The following CTPS2 variants were observed in gnomAD, a reference collection of about 807,000 sequenced individuals.
CTPS2 encodes CTP synthase II.
In CTPS2, 19 loss-of-function variants were observed where a neutral mutation model predicts 46.8. The observed-to-expected ratio is 0.41, with a 90% CI of 0.28 to 0.60. The LOEUF (loss-of-function observed/expected upper bound fraction) is 0.60. Ranked by LOEUF, CTPS2 falls within the 20% of genes least tolerant of loss-of-function variation. The pLI, the probability that CTPS2 is intolerant of heterozygous loss-of-function variation, is 0.35. For missense variants in CTPS2, 286 were observed against 447.6 expected (o/e 0.64, Z 3.26); for synonymous variants, 151 against 165.2 (o/e 0.91, Z 0.66).
At chrX:16,630,411 C>T (rs1419897375) in intron 14 of CTPS2, among the ~76,000 whole-genome samples, 1 of 109,362 alleles carries the variant, frequency 9.1e-6, no homozygotes, top group Non-Finnish European at 1.9e-5. Flanking sequence ...TGTGCCACCA[C>T]GCCTGGCTAA....
chrX:16,606,362 G>A (rs775908537), intron 17 of CTPS2, among the ~76,000 whole-genome samples: 4 of 111,919 alleles, frequency 3.6e-5, no homozygotes. Flanking sequence ...TCATGGAGCT[G>A]GGCAGAGAGG....
intron 13 of CTPS2, chrX:16,654,409 C>G: frequency 8.5e-7 from 1 of 1,173,659 alleles, no homozygotes; most frequent in East Asian, 3.0e-5. Flanking sequence ...AAACAGGGTC[C>G]AAACACCCTA....
Position 16,645,150 on chromosome X carries a change from CT to C in CTPS2, c.1297-5908del, listed in dbSNP as rs60451307. ...GGCGCCCGCCACCATGCCCGGCTAA[CT>C]TTTTTTTTTTTTTTTGTATTTTTAG... is the stretch of plus-strand genomic sequence containing the variant. On this transcript the variant is annotated intron_variant, in intron 13 of 18. Coordinates refer to ENST00000359276, the MANE Select transcript of CTPS2 (RefSeq NM_175859.3). Among the ~76,000 whole-genome samples the C allele has an allele frequency of 5.1e-3, 494 of 97,797 alleles. 2 individuals carry two copies. The highest frequency in any genetic ancestry group is 8.3e-3 in the African/African-American group (223 of 26,938). The allele number at this position is 97,797 out of a possible 115,157, so 84.9% of individuals were successfully genotyped here.
At chrX:16,616,494 A>G (rs747471730) in intron 16 of CTPS2, among the ~76,000 whole-genome samples, 90 of 111,837 alleles carry the variant, frequency 8.0e-4, no homozygotes, top group Non-Finnish European at 1.4e-3. Flanking sequence ...CTTTCTCAAA[A>G]GAGGAGAGCA....
chrX:16,689,360 A>G, intron 8 of CTPS2, 90 bp downstream of exon 8: 1 of 948,872 alleles, frequency 1.1e-6, no homozygotes, highest in South Asian at 2.4e-5. Context: ...AAAATGCCAA[A>G]TACACACGCT....
intron 10 of CTPS2, among the ~76,000 whole-genome samples, chrX:16,675,047 C>G (rs971514124): frequency 2.7e-5 from 3 of 110,159 alleles, no homozygotes; most frequent in Non-Finnish European, 3.8e-5. Context: ...GGGCGAATCA[C>G]TTGAGGTCAG....
At chrX:16,681,079 G>A (rs996736199) in intron 9 of CTPS2, among the ~76,000 whole-genome samples, 2 of 111,267 alleles carry the variant, frequency 1.8e-5, no homozygotes, top group African/African-American at 6.5e-5. Context: ...CCAGCTATTC[G>A]GGTGGCTAAG....
At chrX:16,668,758 A>G (rs1219423788) in intron 11 of CTPS2, among the ~76,000 whole-genome samples, 2 of 83,139 alleles carry the variant, frequency 2.4e-5, no homozygotes, top group African/African-American at 4.9e-5. Context: ...AGAAAGAAGG[A>G]AGGAAGGAAG....
In CTPS2 at chrX:16,590,874, G is replaced by A; in HGVS notation, c.1692-12C>T. ...CACTGTATCTATCACTAGATTAAAAGAGGAACTAATTTAGCAAGGTATAAA... is the reference window on the plus strand; with the variant it reads ...CACTGTATCTATCACTAGATTAAAAAAGGAACTAATTTAGCAAGGTATAAA... On this transcript the variant is annotated splice_polypyrimidine_tract_variant and intron_variant, in intron 17 of 18. Transcript: ENST00000359276. 1 of 1,148,181 alleles carries A rather than the reference G, an allele frequency of 8.7e-7. No individual in the cohort carries two copies. The highest frequency in any genetic ancestry group is 1.2e-6 in the Non-Finnish European group (1 of 844,991). The allele number at this position is 1,148,181 out of a possible 1,213,427, so 94.6% of individuals were successfully genotyped here. A position where few individuals can be genotyped will look rare whatever the true frequency, so the allele number is the denominator to read the frequency against.
chrX:16,680,570 A>AAAAAG (rs1255427440), intron 9 of CTPS2, among the ~76,000 whole-genome samples: 3 of 109,738 alleles, frequency 2.7e-5, no homozygotes, highest in African/African-American at 9.9e-5. Flanking sequence ...AAAAAAAAAG[A>AAAAAG]AAAAGAAAAG....
Position 16,670,618 on chromosome X carries a change from G to T in CTPS2, c.1151C>A (p.Ala384Glu), listed in dbSNP as rs764056005. The change falls in exon 11 of 19, where the codon GCG becomes GAG. Residue 384 changes from alanine (A) to glutamate (E), a missense_variant. Ala to Glu is a moderately radical substitution (Grantham distance 107). Coordinates refer to ENST00000359276, the MANE Select transcript of CTPS2 (RefSeq NM_175859.3). The part of the protein sequence containing the change: ...GIRGTLGKLQ[A>E]ISWARTKKIP... ...CTTCTTTGTCCTTGCCCAAGAAATC[G>T]CCTGGAGTTTTCCCAATGTTCCTCT... is the stretch of plus-strand genomic sequence containing the variant. The T allele has an allele frequency of 8.3e-7, 1 of 1,204,733 alleles. No homozygotes were observed. The highest frequency in any genetic ancestry group is 1.1e-6 in the Non-Finnish European group (1 of 892,428).
At position 16,629,133 on chromosome X, in the gene CTPS2, C is replaced by T. The variant is rs1569202158; in HGVS notation, c.1394-8801G>A. ...CTCTGGTGAGCAGTGGCTCCACAGG[C>T]TGGGCTCTTAACCACTCCACTAGTT... On this transcript the variant is annotated intron_variant, in intron 14 of 18. Coordinates refer to ENST00000359276, the MANE Select transcript of CTPS2 (RefSeq NM_175859.3). Among the ~76,000 whole-genome samples the T allele has an allele frequency of 2.7e-5, 3 of 112,410 alleles. No individual in the cohort carries two copies. The South Asian group carries it at 1.1e-3, about 42-fold the overall frequency.
chrX:16,652,404 A>G (rs1259821149), intron 13 of CTPS2, among the ~76,000 whole-genome samples: 1 of 112,067 alleles, frequency 8.9e-6, no homozygotes, highest in African/African-American at 3.2e-5. Context: ...TTAATACTAA[A>G]AAAGAAAAAA....
At chrX:16,599,601 C>T (rs1235286797) in intron 17 of CTPS2, among the ~76,000 whole-genome samples, 19 of 108,549 alleles carry the variant, frequency 1.8e-4, no homozygotes, top group African/African-American at 5.7e-4. Context: ...CTCAGCCTCC[C>T]GAGTAGCTGG....
At chrX:16,700,185 C>T (rs1183508390) in intron 2 of CTPS2, among the ~76,000 whole-genome samples, 2 of 107,128 alleles carry the variant, frequency 1.9e-5, no homozygotes, top group African/African-American at 6.8e-5. Context: ...GGTGCGATCT[C>T]GGCTCACTGC....
intron 15 of CTPS2, 28 bp downstream of exon 15, chrX:16,620,249 C>T: frequency 8.8e-7 from 1 of 1,140,352 alleles, no homozygotes; most frequent in South Asian, 1.8e-5. Context: ...CATCCATATT[C>T]CCCAGTAATT....
intron 16 of CTPS2, among the ~76,000 whole-genome samples, chrX:16,615,069 G>A (rs1930460828): frequency 9.0e-6 from 1 of 111,520 alleles, no homozygotes; most frequent in Non-Finnish European, 1.9e-5. Context: ...CCAGCTACTC[G>A]GGAGGGTGAG....
chrX:16,598,554 T>G (rs1929436651), intron 17 of CTPS2, among the ~76,000 whole-genome samples: 1 of 111,793 alleles, frequency 8.9e-6, no homozygotes, highest in African/African-American at 3.2e-5. Flanking sequence ...GCTGAAATTG[T>G]GGCAATAATC....
chrX:16,639,397 G>A (rs1277891766), intron 13 of CTPS2, among the ~76,000 whole-genome samples, 154 bp from the exon 14 acceptor site: 1 of 111,250 alleles, frequency 9.0e-6, no homozygotes, highest in African/African-American at 3.3e-5. Context: ...TCAAATACAG[G>A]CATGACATAG....
Sources: allele counts gnomAD v4.1 joint callset (sites outside exome capture counted in the v4.1 genomes callset), GRCh38; gene constraint gnomAD v4.1.1; transcripts MANE v1.5; gene names NCBI Gene and HGNC (gene_info 2026-07-23, HGNC 2026-07-21).